The following ZNF462 variants were observed in gnomAD, a reference collection of about 807,000 sequenced individuals.
ZNF462 encodes the protein zinc finger PBX1-interacting protein.
A neutral mutation model predicts 201.9 loss-of-function variants in ZNF462; 10 were observed. The ratio of observed to expected loss-of-function variants is 0.05; its 90% confidence interval spans 0.03 to 0.08. The LOEUF (loss-of-function observed/expected upper bound fraction) is 0.08, where lower values mean the gene tolerates loss of function less well. ZNF462 is among the 10% of genes least tolerant of loss of function. The pLI is 1.00. For synonymous variants in ZNF462, 1,227 were observed against 1,193.3 expected (o/e 1.03, Z -0.58); for missense variants, 2,523 against 3,168.3 (o/e 0.80, Z 4.89).
At chr9:106,952,781 A>G (rs942485352) in intron 7 of ZNF462, among the ~76,000 whole-genome samples, 2 of 152,302 alleles carry the variant, frequency 1.3e-5, no homozygotes, top group Middle Eastern at 3.4e-3. Flanking sequence ...ACATTGTTTC[A>G]TTTTATTTAA....
rs192920175 is a variant in ZNF462 at position 107,010,344 on chromosome 9, T to C, written c.7314-479T>C. ...CGAGACATGGGTTCCATCTTCAGGT[T>C]TTTGTTTTTAGTTTGTTTTCGTGAT... On this transcript the variant is annotated intron_variant, in intron 12 of 12. Transcript: ENST00000277225. This position sits in a 1 kb window ranked among gnomAD's most constrained non-coding sequence, Gnocchi z 4.6. Among the ~76,000 whole-genome samples, 12 of 152,194 alleles carry C rather than the reference T, an allele frequency of 7.9e-5. No homozygotes were observed. In the East Asian group the frequency reaches 9.7e-4, roughly 12 times the overall value.
intron 11 of ZNF462, among the ~76,000 whole-genome samples, chr9:107,004,265 T>C (rs370056725): frequency 1.1e-4 from 16 of 152,210 alleles, no homozygotes; most frequent in East Asian, 3.9e-4. Context: ...ACATTGCAGA[T>C]ATTGACCCAG....
Position 106,936,155 on chromosome 9 carries a change from T to C in ZNF462, c.6235+534T>C, listed in dbSNP as rs541905110. Reference sequence around the variant, plus strand: ...TCTATCATATTGTTGTTCCATCTCATTACTCATTAGAAAAAATTGGAAATG... The same window carrying C: ...TCTATCATATTGTTGTTCCATCTCACTACTCATTAGAAAAAATTGGAAATG... On this transcript the variant is annotated intron_variant, in intron 6 of 12. Transcript: ENST00000277225. 3.3e-5 allele frequency among the ~76,000 whole-genome samples: 5 copies of C among 152,344 alleles called. No homozygotes were observed. In the East Asian group the frequency reaches 9.6e-4, roughly 29 times the overall value.
intron 7 of ZNF462, among the ~76,000 whole-genome samples, chr9:106,965,849 A>C (rs1223900099): frequency 6.6e-6 from 1 of 152,106 alleles, no homozygotes; most frequent in African/African-American, 2.4e-5. Flanking sequence ...AAAATACTGA[A>C]ACTATTTTTG....
chr9:107,007,542 C>T (rs910876668), intron 11 of ZNF462, among the ~76,000 whole-genome samples: 26 of 152,214 alleles, frequency 1.7e-4, no homozygotes, highest in African/African-American at 5.8e-4. Context: ...AACTTCCAGT[C>T]ACATTAATGG....
At chr9:106,936,178 A>G (rs1830623768) in intron 6 of ZNF462, among the ~76,000 whole-genome samples, 2 of 152,244 alleles carry the variant, frequency 1.3e-5, no homozygotes, top group Admixed American at 6.5e-5. Context: ...AAAATTGGAA[A>G]TGAAAGAAGA....
At position 106,917,379 on chromosome 9, in the gene ZNF462, A is replaced by G. The variant is rs2131367035; in HGVS notation, c.-30-5975A>G. On this transcript the variant is annotated intron_variant, in intron 1 of 12. Transcript: ENST00000277225. The surrounding 1 kb of genome is among the most constrained non-coding windows in gnomAD (Gnocchi z 4.5). ...TCCTTGGCCAGTAGGTGATTGGGTT[A>G]TTAATCTGCAAATTGCCTGCTTCAG... Among the ~76,000 whole-genome samples, 1 of 152,346 alleles carries G rather than the reference A, an allele frequency of 6.6e-6. No homozygotes were observed. Among genetic ancestry groups the G allele is most frequent in the Middle Eastern group, 3.4e-3 (1 of 294 alleles).
Position 106,870,249 on chromosome 9 carries a change from TGCCTAA to T in ZNF462, c.-31+6895_-31+6900del, listed in dbSNP as rs1467263722. Among the ~76,000 whole-genome samples, 1 of 152,234 alleles carries T rather than the reference TGCCTAA, an allele frequency of 6.6e-6. No individual in the cohort carries two copies. Among genetic ancestry groups the T allele is most frequent in the African/African-American group, 2.4e-5 (1 of 41,476 alleles). On this transcript the variant is annotated intron_variant, in intron 1 of 12. Coordinates refer to ENST00000277225, the MANE Select transcript of ZNF462 (RefSeq NM_021224.6). The surrounding 1 kb of genome is among the most constrained non-coding windows in gnomAD (Gnocchi z 4.3). The stretch of plus-strand genomic sequence containing the variant: ...TTACTTGGTGTCTTCAAAGCATTCT[TGCCTAA>T]TTCCTAGCTGGAGACATTTTTTCTT...
intron 1 of ZNF462, among the ~76,000 whole-genome samples, chr9:106,881,211 A>G (rs897051077): frequency 1.3e-5 from 2 of 152,176 alleles, no homozygotes; most frequent in African/African-American, 2.4e-5. Flanking sequence ...CTTTTCAAAC[A>G]CTAGGCTTGG....
Position 106,926,848 on chromosome 9 carries a change from A to T in ZNF462, c.2936A>T (p.Glu979Val). ...AATACAGAATCCCAGACCCTGAGGG[A>T]GATTCTGAATTCGGCTCCCAAGAAC... ...GLNTESQTLR[E>V]ILNSAPKNMA... Residue 979 changes from glutamate to valine, a missense_variant, in exon 3 of 13, where the codon GAG becomes GTG. Physicochemically the swap from Glu to Val is moderately radical, Grantham distance 121 (BLOSUM62 -2). This residue lies in a region of ZNF462 where 280 missense variants were observed against 321.3 expected (regional missense o/e 0.87). Coordinates refer to ENST00000277225, the MANE Select transcript of ZNF462 (RefSeq NM_021224.6). The surrounding 1 kb of genome is among the most constrained non-coding windows in gnomAD (Gnocchi z 7.9). 1 of 1,614,146 alleles carries T rather than the reference A, an allele frequency of 6.2e-7. No individual in the cohort carries two copies. The highest frequency in any genetic ancestry group is 8.5e-7 in the Non-Finnish European group (1 of 1,180,030).
chr9:106,927,883 C>T lies in ZNF462; in HGVS notation c.3971C>T (p.Pro1324Leu). Residue 1324 changes from proline to leucine, a missense_variant, in exon 3 of 13, where the codon CCC (proline) becomes CTC (leucine). Transcript: ENST00000277225. ...CEWCIYSHTE[P>L]NGLLLHYQRR... Reference sequence around the variant, plus strand: ...TGGTGCATCTACTCCCATACGGAGCCCAACGGTTTGCTCCTGCATTACCAA... The same window carrying T: ...TGGTGCATCTACTCCCATACGGAGCTCAACGGTTTGCTCCTGCATTACCAA... 1 of 1,614,172 alleles carries T rather than the reference C, an allele frequency of 6.2e-7. No homozygotes were observed. The highest frequency in any genetic ancestry group is 8.5e-7 in the Non-Finnish European group (1 of 1,180,048).
In ZNF462 at chr9:106,977,878, C is replaced by T. The variant is rs1293527032; in HGVS notation, c.6832+3605C>T. 6.6e-6 allele frequency among the ~76,000 whole-genome samples: 1 copy of T among 151,304 alleles called. No homozygotes were observed. Among genetic ancestry groups the T allele is most frequent in the East Asian group, 1.9e-4 (1 of 5,186 alleles). On this transcript the variant is annotated intron_variant, in intron 9 of 12. Coordinates refer to ENST00000277225, the MANE Select transcript of ZNF462 (RefSeq NM_021224.6). This position sits in a 1 kb window ranked among gnomAD's most constrained non-coding sequence, Gnocchi z 4.6. ...AAAACAATAGAAATGTATTCTCTCACAGTTCTGGAAGCTAGAACTCTGAAA... is the reference window on the plus strand; with the variant it reads ...AAAACAATAGAAATGTATTCTCTCATAGTTCTGGAAGCTAGAACTCTGAAA...
chr9:106,986,982 T>C (rs915202819), intron 10 of ZNF462, among the ~76,000 whole-genome samples: 57 of 65,000 alleles, frequency 8.8e-4, no homozygotes, highest in African/African-American at 2.7e-3. Flanking sequence ...CCATCATAGA[T>C]AGATAGATAG....
chr9:106,875,605 G>A (rs1373044158), intron 1 of ZNF462, among the ~76,000 whole-genome samples: 3 of 152,124 alleles, frequency 2.0e-5, no homozygotes, highest in Non-Finnish European at 4.4e-5. Flanking sequence ...TGCTGCCAGT[G>A]TATTCTAGTA....
chr9:106,864,752 T>G (rs1241288204), intron 1 of ZNF462, among the ~76,000 whole-genome samples: 1 of 152,158 alleles, frequency 6.6e-6, no homozygotes, highest in Admixed American at 6.5e-5. Context: ...CAGTTGGGGC[T>G]TTCTCCCAGG....
chr9:106,958,763 A>G (rs1473627032), intron 7 of ZNF462, among the ~76,000 whole-genome samples: 1 of 152,114 alleles, frequency 6.6e-6, no homozygotes. Context: ...CAACCAATAC[A>G]TCCACTGTAG....
At position 106,865,701 on chromosome 9, in the gene ZNF462, A is replaced by G. The variant is rs1564064291; in HGVS notation, c.-31+2346A>G. 6.6e-6 allele frequency among the ~76,000 whole-genome samples: 1 copy of G among 152,192 alleles called. No homozygotes were observed. Among genetic ancestry groups the G allele is most frequent in the Non-Finnish European group, 1.5e-5 (1 of 68,032 alleles). The stretch of plus-strand genomic sequence containing the variant: ...AGTATGTCTTCTTAACAATGTCGCT[A>G]TGGAAACAAATTTTAAAAACATGAT... On this transcript the variant is annotated intron_variant, in intron 1 of 12. Transcript: ENST00000277225. The surrounding 1 kb of genome is among the most constrained non-coding windows in gnomAD (Gnocchi z 4.1).
chr9:106,999,465 T>C (rs1045513158), intron 10 of ZNF462, among the ~76,000 whole-genome samples: 2 of 152,142 alleles, frequency 1.3e-5, no homozygotes, highest in South Asian at 2.1e-4. Flanking sequence ...ACATGTTTAA[T>C]AGTGGAAAGC....
chr9:107,001,813 C>T (rs973166757), intron 10 of ZNF462, among the ~76,000 whole-genome samples: 6 of 152,066 alleles, frequency 3.9e-5, no homozygotes, highest in Non-Finnish European at 8.8e-5. Flanking sequence ...TTGTTGTCTG[C>T]GTCTTGTCCA....
Sources: allele counts gnomAD v4.1 joint callset (sites outside exome capture counted in the v4.1 genomes callset), GRCh38; gene constraint gnomAD v4.1.1; regional missense constraint gnomAD v4.1.1; non-coding constraint Gnocchi (gnomAD v3.1); transcripts MANE v1.5; gene names NCBI Gene and HGNC (gene_info 2026-07-23, HGNC 2026-07-21).